Variants in CAPN7 observed in about 807,000 individuals in gnomAD.
The protein encoded by CAPN7 is calpain-7.
A neutral mutation model predicts 115.2 loss-of-function variants in CAPN7; 72 were observed. The ratio of observed to expected loss-of-function variants is 0.63; its 90% CI spans 0.52 to 0.76. The LOEUF (loss-of-function observed/expected upper bound fraction) is 0.76, where lower values mean the gene tolerates loss of function less well. Among genes scored for constraint, CAPN7 ranks in the 30% least tolerant of loss-of-function variants. The pLI is 0.00. For synonymous variants in CAPN7, 344 were observed against 322.3 expected, an observed-to-expected ratio of 1.07 and a Z score of -0.72; for missense variants, 905 against 971.5, an observed-to-expected ratio of 0.93 and a Z score of 0.91.
At chr3:15,224,447 A>C (rs568417522) in intron 6 of CAPN7, among the ~76,000 whole-genome samples, 2 of 151,830 alleles carry the variant, frequency 1.3e-5, no homozygotes, top group African/African-American at 4.8e-5. Flanking sequence ...TAATTTTTGT[A>C]TTTTTGGTAG....
Position 15,224,280 on chromosome 3 carries a change from C to CT in CAPN7, c.725+728dup, listed in dbSNP as rs1184824890. On this transcript the variant is annotated intron_variant, in intron 6 of 20. Coordinates refer to ENST00000253693, the MANE Select transcript of CAPN7 (RefSeq NM_014296.3). ...GATGTCCCAAATTTTTTTTTTTTTT[C>CT]TTTTTTTTTGAGATAGGGTCTCACT... 7.4e-5 allele frequency among the ~76,000 whole-genome samples: 10 copies of CT among 134,504 alleles called. No homozygotes were observed. The South Asian group carries it at 9.4e-4, about 13-fold the overall frequency. 88.2% of individuals were successfully genotyped at this position (134,504 alleles called of 152,430 possible).
intron 6 of CAPN7, among the ~76,000 whole-genome samples, chr3:15,224,890 G>C (rs189452157): frequency 6.6e-6 from 1 of 152,212 alleles, no homozygotes; most frequent in East Asian, 1.9e-4. Context: ...TTTTCACTCA[G>C]GTAGCTGTGT....
intron 18 of CAPN7, 123 bp downstream of exon 18, chr3:15,246,917 A>G: frequency 1.3e-6 from 1 of 758,200 alleles, no homozygotes; most frequent in South Asian, 1.7e-5. Flanking sequence ...AGGGAAACGT[A>G]AATGGCCTCA....
At chr3:15,244,387 A>G (rs946266788) in intron 16 of CAPN7, among the ~76,000 whole-genome samples, 1 of 152,148 alleles carries the variant, frequency 6.6e-6, no homozygotes, top group African/African-American at 2.4e-5. Flanking sequence ...TTTCATGTTT[A>G]TAATTTTATT....
At position 15,217,495 on chromosome 3, in the gene CAPN7, T is replaced by TA. The variant is rs1256273549; in HGVS notation, c.283dup (p.Thr95AsnfsTer5). The TA allele has an allele frequency of 2.5e-6, 4 of 1,613,970 alleles. No homozygotes were observed. Among genetic ancestry groups the TA allele is most frequent in the Non-Finnish European group, 3.4e-6 (4 of 1,179,912 alleles). On this transcript the variant is annotated frameshift_variant, in exon 3 of 21. Transcript: ENST00000253693. LOFTEE classifies it high-confidence loss of function. ...ACTTAGAGCGTGCTCATTTCCTTGT[T>TA]ACACAAGCTTTTGATGAAGATGAAA...
At chr3:15,227,406 A>G (rs1694384923) in intron 6 of CAPN7, among the ~76,000 whole-genome samples, 1 of 152,208 alleles carries the variant, frequency 6.6e-6, no homozygotes, top group African/African-American at 2.4e-5. Flanking sequence ...TGCCTGGCAC[A>G]TGGTTAGTAT....
At chr3:15,226,359 C>G (rs1232424436) in intron 6 of CAPN7, among the ~76,000 whole-genome samples, 1 of 152,160 alleles carries the variant, frequency 6.6e-6, no homozygotes, top group Non-Finnish European at 1.5e-5. Context: ...CAGGCATGAG[C>G]CACCGCGCCT....
Position 15,227,930 on chromosome 3 carries a change from A to G in CAPN7, c.817A>G (p.Met273Val), listed in dbSNP as rs761942868. 26 of 1,549,216 alleles carry G rather than the reference A, an allele frequency of 1.7e-5. No individual in the cohort carries two copies. The highest frequency in any genetic ancestry group is 3.8e-5 in the Admixed American group (2 of 52,026). ...RPEDLTNNPT[M>V]IYTVSSFSIK... ...AGAAGACCTCACCAACAATCCTACA[A>G]TGATATATACTGTGTCCAGTTTTAG... is the stretch of plus-strand genomic sequence containing the variant. The change falls in exon 7 of 21, where the codon ATG (methionine) becomes GTG (valine). Residue 273 changes from methionine to valine, a missense_variant. This residue lies in a region of CAPN7 where 620 missense variants were observed against 703.4 expected (regional missense o/e 0.88). Coordinates refer to ENST00000253693, the MANE Select transcript of CAPN7 (RefSeq NM_014296.3).
At chr3:15,240,445 T>G (rs777680562) in intron 12 of CAPN7, 28 bp from the exon 13 acceptor site, 1 of 1,598,262 alleles carries the variant, frequency 6.3e-7, no homozygotes, top group South Asian at 1.1e-5. Flanking sequence ...TACAACTTAA[T>G]GTTATCTCCT....
intron 19 of CAPN7, among the ~76,000 whole-genome samples, chr3:15,250,255 T>C (rs1695925409): frequency 6.6e-6 from 1 of 151,682 alleles, no homozygotes; most frequent in Admixed American, 6.6e-5. Context: ...TACATACCCA[T>C]AGTCCCAGGT....
At position 15,251,426 on chromosome 3, in the gene CAPN7, A is replaced by G. The variant is rs999081192; in HGVS notation, c.*166A>G. 6.3e-5 allele frequency: 35 copies of G among 557,260 alleles called. No homozygotes were observed. Among genetic ancestry groups the G allele is most frequent in the Admixed American group, 1.1e-4 (3 of 27,894 alleles). 34.5% of individuals were successfully genotyped at this position (557,260 alleles called of 1,614,324 possible). On this transcript the variant is annotated 3_prime_UTR_variant, in exon 21 of 21. Coordinates refer to ENST00000253693, the MANE Select transcript of CAPN7 (RefSeq NM_014296.3). ...TGTCAGGGTGTTTGGTAAGAACTGT[A>G]TATAGTCAGAATTACCTAAATCACC... is the stretch of plus-strand genomic sequence containing the variant.
chr3:15,243,732 A>G (rs1695491092), intron 16 of CAPN7, among the ~76,000 whole-genome samples: 1 of 151,326 alleles, frequency 6.6e-6, no homozygotes, highest in African/African-American at 2.4e-5. Context: ...TGGGAACTAA[A>G]TGATAAGAAC....
chr3:15,229,785 C>G (rs1418681736), intron 8 of CAPN7, among the ~76,000 whole-genome samples: 1 of 151,890 alleles, frequency 6.6e-6, no homozygotes, highest in Non-Finnish European at 1.5e-5. Flanking sequence ...TTGGCTTGAA[C>G]TGCTTTAGAA....
At chr3:15,237,360 A>G (rs1695053561) in intron 12 of CAPN7, among the ~76,000 whole-genome samples, 1 of 152,214 alleles carries the variant, frequency 6.6e-6, no homozygotes, top group Non-Finnish European at 1.5e-5. Flanking sequence ...TTCCAGCTCC[A>G]TTATAATCTT....
intron 6 of CAPN7, among the ~76,000 whole-genome samples, chr3:15,226,227 C>T (rs1360595602): frequency 6.6e-6 from 1 of 152,074 alleles, no homozygotes; most frequent in African/African-American, 2.4e-5. Flanking sequence ...AGGCGCCCAC[C>T]ACACGCCCGA....
intron 11 of CAPN7, among the ~76,000 whole-genome samples, chr3:15,234,733 C>T (rs141465020): frequency 3.9e-5 from 6 of 152,206 alleles, no homozygotes; most frequent in African/African-American, 1.4e-4. Context: ...TGGGAAATGC[C>T]TGTGGTATTT....
At chr3:15,238,564 A>G (rs919165728) in intron 12 of CAPN7, among the ~76,000 whole-genome samples, 7 of 152,124 alleles carry the variant, frequency 4.6e-5, no homozygotes, top group Admixed American at 6.5e-5. Flanking sequence ...GAGATTTTCA[A>G]TATTTATTAA....
chr3:15,234,600 T>C (rs1694880481), intron 11 of CAPN7, among the ~76,000 whole-genome samples: 1 of 152,198 alleles, frequency 6.6e-6, no homozygotes, highest in Non-Finnish European at 1.5e-5. Flanking sequence ...GTCTGAGAAG[T>C]TAAGCCTTAA....
At chr3:15,206,981 ATAAACT>A (rs2044664507) in intron 1 of CAPN7, among the ~76,000 whole-genome samples, 1 of 152,268 alleles carries the variant, frequency 6.6e-6, no homozygotes, top group Non-Finnish European at 1.5e-5. Context: ...TGCTCGTTAA[ATAAACT>A]TAAAAAGAAT....
Sources: allele counts gnomAD v4.1 joint callset (sites outside exome capture counted in the v4.1 genomes callset), GRCh38; gene constraint gnomAD v4.1.1; regional missense constraint gnomAD v4.1.1; transcripts MANE v1.5; gene names NCBI Gene and HGNC (gene_info 2026-07-23, HGNC 2026-07-21).